NSD1: variants seen among roughly 807,000 people sequenced by gnomAD.
NSD1 encodes the protein nuclear receptor binding SET domain protein 1, also known as histone-lysine N-methyltransferase, H3 lysine-36 specific.
NSD1 carries 26 observed loss-of-function variants against 242.7 expected under a neutral mutation model. The observed-to-expected ratio is 0.11, with a 90% CI of 0.08 to 0.15. The LOEUF is 0.15. Ranked by LOEUF, NSD1 falls within the 10% of genes least tolerant of loss-of-function variation. The pLI is 1.00. For synonymous variants in NSD1, 1,106 were observed against 1,178.1 expected (o/e 0.94, Z 1.25); for missense variants, 2,495 against 3,272.8 (o/e 0.76, Z 5.80).
At position 177,135,207 on chromosome 5, in the gene NSD1, G is replaced by A; in HGVS notation, c.104G>A (p.Gly35Asp). The A allele has an allele frequency of 6.2e-7, 1 of 1,613,572 alleles. No individual in the cohort carries two copies. The highest frequency in any genetic ancestry group is 1.1e-5 in the South Asian group (1 of 91,074). Residue 35 changes from glycine to aspartate, a missense_variant, in exon 2 of 23, where the codon GGT (glycine) becomes GAT (aspartate). Gly to Asp is a moderately conservative substitution (Grantham distance 94). This residue lies in a region of NSD1 where 376 missense variants were observed against 367.4 expected (regional missense o/e 1.02). Coordinates refer to ENST00000439151, the MANE Select transcript of NSD1 (RefSeq NM_022455.5). Reference protein sequence around the residue: ...PEDKDSPFGNGQSNFSEPLNG... With the variant: ...PEDKDSPFGNDQSNFSEPLNG... ...GACAAGGACAGCCCTTTCGGTAATG[G>A]TCAATCCAATTTTTCTGAGCCACTT... is the stretch of plus-strand genomic sequence containing the variant.
intron 5 of NSD1, among the ~76,000 whole-genome samples, chr5:177,226,669 A>G (rs1764656179): frequency 6.6e-6 from 1 of 152,050 alleles, no homozygotes; most frequent in Non-Finnish European, 1.5e-5. Context: ...TCCAATTTGA[A>G]ATTTCACTTC....
intron 4 of NSD1, among the ~76,000 whole-genome samples, chr5:177,207,309 G>A (rs1405956666): frequency 6.6e-6 from 1 of 151,184 alleles, no homozygotes; most frequent in Non-Finnish European, 1.5e-5. Context: ...TTGAGACAGA[G>A]TCTCGCTCTG....
intron 14 of NSD1, chr5:177,265,725 C>T (rs1757376750): frequency 6.3e-7 from 1 of 1,586,764 alleles, no homozygotes; most frequent in Non-Finnish European, 8.7e-7. Context: ...AGGTAGTCCT[C>T]CATGTAGAAC....
At chr5:177,258,062 C>T (rs1756671214) in intron 13 of NSD1, among the ~76,000 whole-genome samples, 1 of 139,116 alleles carries the variant, frequency 7.2e-6, no homozygotes, top group South Asian at 2.3e-4. Context: ...CTCACCGCAA[C>T]CTCTGCCTCC....
chr5:177,248,246 C>T lies in NSD1; in HGVS notation c.4563C>T (p.His1521=), dbSNP rs749858730. Residue 1521 remains histidine, a synonymous_variant, in exon 11 of 23, where the codon CAC becomes CAT. Coordinates refer to ENST00000439151, the MANE Select transcript of NSD1 (RefSeq NM_022455.5). ...AGACTGTTGAGGAAGGTGTAGAACA[C>T]GATCCCGGGATGCCTGCCTCTAAAA... ...PKETVEEGVE[H]DPGMPASKKM... is the part of the protein sequence containing the mutation. 29 of 1,613,958 alleles carry T rather than the reference C, an allele frequency of 1.8e-5. No individual in the cohort carries two copies. The highest frequency in any genetic ancestry group is 1.6e-4 in the Middle Eastern group (1 of 6,084).
At position 177,280,581 on chromosome 5, in the gene NSD1, G is replaced by A. The variant is rs768219323; in HGVS notation, c.5639G>A (p.Gly1880Asp). Residue 1880 changes from glycine (G) to aspartate (D), a missense_variant, in exon 18 of 23, where the codon GGC (glycine) becomes GAC (aspartate). Transcript: ENST00000439151. ...CTTTTCCAGGTAAACCGTCCTATTG[G>A]CAGGGTACAGATCTTCACTGCAGAC... ...YKHIKVNRPIGRVQIFTADLS... is the reference protein window; with the variant it reads ...YKHIKVNRPIDRVQIFTADLS... 1 of 1,614,186 alleles carries A rather than the reference G, an allele frequency of 6.2e-7. No homozygotes were observed. Among genetic ancestry groups the A allele is most frequent in the Non-Finnish European group, 8.5e-7 (1 of 1,180,042 alleles).
intron 2 of NSD1, among the ~76,000 whole-genome samples, chr5:177,144,413 T>A (rs1174376109): frequency 6.6e-6 from 1 of 152,112 alleles, no homozygotes. Flanking sequence ...TCCAAACTTA[T>A]TTGATTAGTA....
In NSD1 at chr5:177,294,491, C is replaced by T. The variant is rs764134690; in HGVS notation, c.7123C>T (p.Leu2375=). The T allele has an allele frequency of 1.9e-6, 3 of 1,614,120 alleles. No individual in the cohort carries two copies. Among genetic ancestry groups the T allele is most frequent in the Admixed American group, 1.7e-5 (1 of 60,002 alleles). ...TGCTGCCAGCCCAAGGCCCCAGTCACTGGAGAAAACCTCAGTTCCCACTGG... is the reference window on the plus strand; with the variant it reads ...TGCTGCCAGCCCAAGGCCCCAGTCATTGGAGAAAACCTCAGTTCCCACTGG... ...IGAASPRPQS[L]EKTSVPTGLR... is the part of the protein sequence containing the mutation. Residue 2375 remains leucine, a synonymous_variant, in exon 23 of 23, where the codon CTG becomes TTG. Coordinates refer to ENST00000439151, the MANE Select transcript of NSD1 (RefSeq NM_022455.5).
chr5:177,217,692 A>T (rs1274228220), intron 5 of NSD1, among the ~76,000 whole-genome samples: 11 of 127,516 alleles, frequency 8.6e-5, no homozygotes, highest in Admixed American at 3.2e-4. Context: ...TTTGAGACAG[A>T]GTTTCATTCT....
Position 177,210,959 on chromosome 5 carries a change from A to G in NSD1, c.2560A>G (p.Thr854Ala), listed in dbSNP as rs911645648. ...EKTRDSSDIE[T>A]AVVKHVLSEL... ...AACCAGGGATTCAAGTGACATAGAA[A>G]CAGCAGTGGTGAAACATGTTTTATC... is the stretch of plus-strand genomic sequence containing the variant. Residue 854 changes from threonine (T) to alanine (A), a missense_variant, in exon 5 of 23, where the codon ACA becomes GCA. Around this residue, in one of 19 missense-constraint regions of NSD1, gnomAD observed 121 missense variants for 167.2 expected, o/e 0.72. Coordinates refer to ENST00000439151, the MANE Select transcript of NSD1 (RefSeq NM_022455.5). 5 of 1,614,216 alleles carry G rather than the reference A, an allele frequency of 3.1e-6. No individual in the cohort carries two copies. In the Admixed American group the frequency reaches 8.3e-5, roughly 27 times the overall value.
chr5:177,153,804 G>A (rs1215022968), intron 2 of NSD1, among the ~76,000 whole-genome samples: 1 of 152,138 alleles, frequency 6.6e-6, no homozygotes, highest in African/African-American at 2.4e-5. Context: ...TTAATATCCA[G>A]TACTATGCTA....
intron 5 of NSD1, among the ~76,000 whole-genome samples, chr5:177,229,096 T>TA (rs1279123424): frequency 6.6e-6 from 1 of 152,186 alleles, no homozygotes; most frequent in Non-Finnish European, 1.5e-5. Flanking sequence ...AAAAAAAACT[T>TA]ACCATCTGTA....
intron 14 of NSD1, among the ~76,000 whole-genome samples, chr5:177,263,627 C>A (rs765121050): frequency 1.3e-5 from 2 of 152,176 alleles, no homozygotes; most frequent in African/African-American, 4.8e-5. Flanking sequence ...GGGAAGTACA[C>A]GTAAAGCAGT....
intron 3 of NSD1, among the ~76,000 whole-genome samples, chr5:177,199,627 G>A (rs1481707652): frequency 1.6e-5 from 2 of 127,146 alleles, no homozygotes; most frequent in Non-Finnish European, 3.2e-5. Context: ...TTGAGATGGA[G>A]TCTCTCTCTG....
At position 177,197,805 on chromosome 5, in the gene NSD1, C is replaced by T. The variant is rs547243835; in HGVS notation, c.1063+5786C>T. Among the ~76,000 whole-genome samples, 3 of 152,122 alleles carry T rather than the reference C, an allele frequency of 2.0e-5. No homozygotes were observed. The East Asian group carries it at 5.8e-4, about 29-fold the overall frequency. ...TGTGGTCAATTTTGCTGAGTGTTGC[C>T]TAGAGAGCAAATAAAATGTCCATTA... On this transcript the variant is annotated intron_variant, in intron 3 of 22. Transcript: ENST00000439151.
rs2149846576 is a variant in NSD1, at chr5:177,211,322, T to C, written c.2923T>C (p.Ser975Pro). 1 of 1,614,130 alleles carries C rather than the reference T, an allele frequency of 6.2e-7. No individual in the cohort carries two copies. Among genetic ancestry groups the C allele is most frequent in the Non-Finnish European group, 8.5e-7 (1 of 1,180,034 alleles). The change falls in exon 5 of 23, where the codon TCC becomes CCC. Residue 975 changes from serine to proline, a missense_variant. Ser to Pro is a moderately conservative substitution (Grantham distance 74, BLOSUM62 -1). This residue lies in a region of NSD1 where 426 missense variants were observed against 411.4 expected (regional missense o/e 1.04). Transcript: ENST00000439151. ...GAAAAAGGGAGATGGCACTCAGAAC[T>C]CCGCCAATCCTAGCCCTAGTGGGGG... ...SEKKGDGTQN[S>P]ANPSPSGGDS...
rs563687848 is a variant in NSD1, at chr5:177,207,435, A to C, written c.1237-2201A>C. Among the ~76,000 whole-genome samples, 46 of 151,374 alleles carry C rather than the reference A, an allele frequency of 3.0e-4. No individual in the cohort carries two copies. In the South Asian group the frequency reaches 9.0e-3, roughly 30 times the overall value. ...GTAGCTGGGACTACAGGTGTCCGCC[A>C]CCAGGCCTGGCTAATTTTTTATATT... On this transcript the variant is annotated intron_variant, in intron 4 of 22. Transcript: ENST00000439151.
chr5:177,131,871 G>T (rs1755912098), upstream of NSD1, among the ~76,000 whole-genome samples: 1 of 152,330 alleles, frequency 6.6e-6, no homozygotes, highest in East Asian at 1.9e-4. Context: ...TATGGCGGCC[G>T]GATCCGGCTT....
chr5:177,185,795 A>AATATATATT, intron 2 of NSD1, among the ~76,000 whole-genome samples: 1 of 88,360 alleles, frequency 1.1e-5, no homozygotes, highest in South Asian at 2.8e-4. Context: ...TATATTATAT[A>AATATATATT]TATATATATA....
Sources: gnomAD v4.1 joint callset for allele counts (sites outside exome capture counted in the v4.1 genomes callset) on GRCh38, gnomAD v4.1.1 for gene constraint, gnomAD v4.1.1 regional missense constraint, MANE v1.5 for transcripts, NCBI Gene and HGNC (gene_info 2026-07-23, HGNC 2026-07-21) for gene names.